The following TMPRSS13 variants were observed in gnomAD, a reference collection of about 807,000 sequenced individuals.
The protein encoded by TMPRSS13 is transmembrane serine protease 13.
In TMPRSS13, 50 loss-of-function variants were observed where a neutral mutation model predicts 68.4. The ratio of observed to expected loss-of-function variants is 0.73; its 90% CI spans 0.58 to 0.93. TMPRSS13 has a LOEUF of 0.93. Ranked by LOEUF, TMPRSS13 falls within the 40% of genes least tolerant of loss-of-function variation. The pLI is 0.00. For missense variants in TMPRSS13, 615 were observed against 729.2 expected, an observed-to-expected ratio of 0.84 and a Z score of 1.80; for synonymous variants, 267 against 285.8, an observed-to-expected ratio of 0.93 and a Z score of 0.66.
chr11:117,924,956 G>A (rs77018736), intron 1 of TMPRSS13, among the ~76,000 whole-genome samples: 6,367 of 152,228 alleles, frequency 0.042, 213 homozygotes, highest in East Asian at 0.18. Flanking sequence ...GGTCTGCCTC[G>A]CCCTGGGGGT....
intron 1 of TMPRSS13, among the ~76,000 whole-genome samples, chr11:117,928,347 A>G (rs937204514): frequency 6.6e-6 from 1 of 152,174 alleles, no homozygotes; most frequent in Non-Finnish European, 1.5e-5. Context: ...GAATGGTGGG[A>G]AAAAAATGAT....
chr11:117,916,084 C>A (rs1471349767), intron 3 of TMPRSS13, among the ~76,000 whole-genome samples: 1 of 152,202 alleles, frequency 6.6e-6, no homozygotes, highest in Non-Finnish European at 1.5e-5. Context: ...CTTCAGCAGC[C>A]CTGCCAGCAG....
intron 11 of TMPRSS13, 69 bp from the exon 12 acceptor site, chr11:117,903,876 C>T: frequency 1.9e-6 from 3 of 1,595,418 alleles, no homozygotes; most frequent in Non-Finnish European, 2.6e-6. Flanking sequence ...GGTGGGGTCC[C>T]AATTCCCACA....
chr11:117,908,410 A>G, intron 9 of TMPRSS13: 1 of 640,196 alleles, frequency 1.6e-6, no homozygotes, highest in South Asian at 2.0e-5. Context: ...CATTTGGAGC[A>G]AACTTATTTA....
chr11:117,918,265 C>T, intron 2 of TMPRSS13, 144 bp downstream of exon 2: 1 of 1,036,426 alleles, frequency 9.6e-7, no homozygotes, highest in Non-Finnish European at 1.4e-6. Flanking sequence ...CCTCCACCCT[C>T]AGGTCCCTCA....
Position 117,901,919 on chromosome 11 carries a change from C to A in TMPRSS13, c.*320G>T. 1 of 402,440 alleles carries A rather than the reference C, an allele frequency of 2.5e-6. No homozygotes were observed. The highest frequency in any genetic ancestry group is 4.6e-6 in the Non-Finnish European group (1 of 217,286). 24.9% of individuals were successfully genotyped at this position (402,440 alleles called of 1,614,324 possible). On this transcript the variant is annotated 3_prime_UTR_variant, in exon 13 of 13. Transcript: ENST00000524993. ...TCCCAGCTCTTCCTTGGGCTCTGGG[C>A]TCCACCTCCTCCATCCATCTATGGA... is the stretch of plus-strand genomic sequence containing the variant.
chr11:117,926,924 T>A (rs528020374), intron 1 of TMPRSS13, among the ~76,000 whole-genome samples: 1 of 152,348 alleles, frequency 6.6e-6, no homozygotes, highest in South Asian at 2.1e-4. Flanking sequence ...TGAGCCTTAC[T>A]ATGGGAAGGA....
chr11:117,908,312 A>G, intron 9 of TMPRSS13: 2 of 565,112 alleles, frequency 3.5e-6, no homozygotes, highest in East Asian at 5.6e-5. Flanking sequence ...CTAGGTGCTC[A>G]GTTAATACCA....
At chr11:117,928,894 A>G (rs2057732639) in intron 1 of TMPRSS13, among the ~76,000 whole-genome samples, 1 of 152,230 alleles carries the variant, frequency 6.6e-6, no homozygotes, top group Non-Finnish European at 1.5e-5. Flanking sequence ...AATTGCAGTT[A>G]GAATGCTTTT....
At chr11:117,929,151 G>T in intron 1 of TMPRSS13, 136 bp downstream of exon 1, 2 of 633,378 alleles carry the variant, frequency 3.2e-6, no homozygotes, top group Non-Finnish European at 2.6e-6. Flanking sequence ...ATCGTAAGTA[G>T]CTTCAAACTA....
chr11:117,914,634 C>G lies in TMPRSS13; in HGVS notation c.557-120G>C. 6.6e-7 allele frequency: 1 copy of G among 1,505,360 alleles called. No homozygotes were observed. The highest frequency in any genetic ancestry group is 8.9e-7 in the Non-Finnish European group (1 of 1,120,386). The allele number at this position is 1,505,360 out of a possible 1,614,324, so 93.3% of individuals were successfully genotyped here. A position where few individuals can be genotyped will look rare whatever the true frequency, so the allele number is the denominator to read the frequency against. On this transcript the variant is annotated intron_variant, in intron 3 of 12. Coordinates refer to ENST00000524993, the MANE Select transcript of TMPRSS13 (RefSeq NM_001077263.3). The surrounding 1 kb of genome is among the most constrained non-coding windows in gnomAD (Gnocchi z 4.2). ...CTGCAATCCCTCTTGAACTCTGGGGCTCTCATCCCCCATCTGTATGGAGAG... is the reference window on the plus strand; with the variant it reads ...CTGCAATCCCTCTTGAACTCTGGGGGTCTCATCCCCCATCTGTATGGAGAG...
At position 117,910,747 on chromosome 11, in the gene TMPRSS13, A is replaced by G. The variant is rs748907761; in HGVS notation, c.906T>C (p.Ser302=). 1.2e-6 allele frequency: 2 copies of G among 1,607,352 alleles called. No homozygotes were observed. The highest frequency in any genetic ancestry group is 1.7e-6 in the Non-Finnish European group (2 of 1,176,180). ...NSTIQESLHR[S]ECPSQRYISL... is the part of the protein sequence containing the mutation. ...AGATATACCGCTGGGAAGGGCATTC[A>G]GACCTGCAGGGGGAGACACAGAAAG... is the stretch of plus-strand genomic sequence containing the variant. Residue 302 remains serine, a synonymous_variant, in exon 7 of 13, where the codon TCT becomes TCC. Coordinates refer to ENST00000524993, the MANE Select transcript of TMPRSS13 (RefSeq NM_001077263.3).
intron 9 of TMPRSS13, chr11:117,908,129 G>T: frequency 9.9e-7 from 1 of 1,006,394 alleles, no homozygotes; most frequent in Non-Finnish European, 1.2e-6. Context: ...GATCGACCTG[G>T]TTCCAATCCC....
Position 117,903,703 on chromosome 11 carries a change from C to T in TMPRSS13, c.1629G>A (p.Val543=), listed in dbSNP as rs1224550357. ...TGCGQRNKPG[V]YTKVTEVLPW... is the part of the protein sequence containing the mutation. ...GAAGAACTTCTGTCACTTTGGTGTA[C>T]ACACCAGGTTTGTTTCTCTGGCCAC... The change falls in exon 12 of 13, where the codon GTG becomes GTA. Residue 543 remains valine (V), a synonymous_variant. Transcript: ENST00000524993. The T allele has an allele frequency of 6.2e-7, 1 of 1,614,086 alleles. No homozygotes were observed. The highest frequency in any genetic ancestry group is 8.5e-7 in the Non-Finnish European group (1 of 1,179,994).
chr11:117,927,479 G>A (rs2057717862), intron 1 of TMPRSS13, among the ~76,000 whole-genome samples: 1 of 152,190 alleles, frequency 6.6e-6, no homozygotes, highest in South Asian at 2.1e-4. Context: ...ATGAGAAACT[G>A]AGACCCTTCT....
At chr11:117,926,543 C>A (rs2057709847) in intron 1 of TMPRSS13, among the ~76,000 whole-genome samples, 1 of 152,352 alleles carries the variant, frequency 6.6e-6, no homozygotes, top group South Asian at 2.1e-4. Context: ...ATCCACTCCA[C>A]AAAGGAATGT....
rs578204929 is a variant in TMPRSS13, at chr11:117,915,300, C to T, written c.557-786G>A. On this transcript the variant is annotated intron_variant, in intron 3 of 12. Coordinates refer to ENST00000524993, the MANE Select transcript of TMPRSS13 (RefSeq NM_001077263.3). This position sits in a 1 kb window ranked among gnomAD's most constrained non-coding sequence, Gnocchi z 4.9. ...CCTCCCCTTGGCTGCCTCACAGACC[C>T]GGGTTCTAACTTCTCACCCTGCCGC... is the stretch of plus-strand genomic sequence containing the variant. Among the ~76,000 whole-genome samples, 5 of 152,324 alleles carry T rather than the reference C, an allele frequency of 3.3e-5. No individual in the cohort carries two copies. The highest frequency in any genetic ancestry group is 4.1e-4 in the South Asian group (2 of 4,826).
chr11:117,920,357 T>C (rs2057631142), intron 1 of TMPRSS13, among the ~76,000 whole-genome samples: 1 of 152,174 alleles, frequency 6.6e-6, no homozygotes, highest in Non-Finnish European at 1.5e-5. Context: ...GCTCGTTTGT[T>C]TTTTTGAGTC....
intron 2 of TMPRSS13, among the ~76,000 whole-genome samples, chr11:117,918,184 C>A (rs2057597758): frequency 6.6e-6 from 1 of 152,148 alleles, no homozygotes. Flanking sequence ...TTAGTCCTGG[C>A]TTCTTATCAC....
Sources: gnomAD v4.1 joint callset for allele counts (sites outside exome capture counted in the v4.1 genomes callset) on GRCh38, gnomAD v4.1.1 for gene constraint, Gnocchi (gnomAD v3.1) non-coding constraint, MANE v1.5 for transcripts, NCBI Gene and HGNC (gene_info 2026-07-23, HGNC 2026-07-21) for gene names.